MIPEP: variants seen among roughly 807,000 people sequenced by gnomAD.
MIPEP encodes mitochondrial intermediate peptidase.
In MIPEP, 79 loss-of-function variants were observed where a neutral mutation model predicts 90.3. The ratio of observed to expected loss-of-function variants is 0.87; its 90% confidence interval spans 0.73 to 1.05. The LOEUF (loss-of-function observed/expected upper bound fraction) is 1.05. Ranked by LOEUF, MIPEP falls within the 50% of genes least tolerant of loss-of-function variation. The pLI is 0.00. For missense variants in MIPEP, 940 were observed against 905.6 expected (o/e 1.04, Z -0.49); for synonymous variants, 334 against 315.8 (o/e 1.06, Z -0.61).
chr13:23,833,974 C>G (rs1035404378), intron 14 of MIPEP, among the ~76,000 whole-genome samples: 1 of 152,126 alleles, frequency 6.6e-6, no homozygotes, highest in African/African-American at 2.4e-5. Flanking sequence ...CTCCCTTGGC[C>G]TGACCCTGCG....
chr13:23,821,582 G>A (rs954185092), intron 14 of MIPEP, among the ~76,000 whole-genome samples: 2 of 152,050 alleles, frequency 1.3e-5, no homozygotes, highest in African/African-American at 4.8e-5. Flanking sequence ...TAAGCAGCTG[G>A]GTAATACACA....
chr13:23,846,483 T>C (rs1177883538), intron 10 of MIPEP, among the ~76,000 whole-genome samples: 3 of 152,218 alleles, frequency 2.0e-5, no homozygotes, highest in African/African-American at 7.2e-5. Context: ...GTTTTGGATT[T>C]TGGATTTTTT....
At chr13:23,738,918 C>G (rs1593125407) in intron 18 of MIPEP, among the ~76,000 whole-genome samples, 2 of 152,310 alleles carry the variant, frequency 1.3e-5, no homozygotes, top group Admixed American at 6.5e-5. Flanking sequence ...AATAAGCCTT[C>G]CCAGTGACTC....
intron 9 of MIPEP, among the ~76,000 whole-genome samples, chr13:23,860,757 C>T (rs1171582244): frequency 2.6e-5 from 4 of 152,178 alleles, no homozygotes; most frequent in African/African-American, 7.2e-5. Flanking sequence ...GCTAAACTGT[C>T]TGAATCCAAG....
chr13:23,889,277 G>C lies in MIPEP; in HGVS notation c.44C>G (p.Ala15Gly). The change falls in exon 1 of 19, where the codon GCA becomes GGA. Residue 15 changes from alanine (A) to glycine (G), a missense_variant. Coordinates refer to ENST00000382172, the MANE Select transcript of MIPEP (RefSeq NM_005932.4). ...GRLGGLGARAAALPPRRAGRG... is the reference protein window; with the variant it reads ...GRLGGLGARAGALPPRRAGRG... ...GCCCGCCCGGCGGGGCGGCAGAGCT[G>C]CTGCTCTGGCTCCCAAGCCGCCCAG... 7.3e-7 allele frequency: 1 copy of C among 1,375,730 alleles called. No homozygotes were observed. The highest frequency in any genetic ancestry group is 9.4e-7 in the Non-Finnish European group (1 of 1,063,320). The allele number at this position is 1,375,730 out of a possible 1,614,324, so 85.2% of individuals were successfully genotyped here. A position where few individuals can be genotyped will look rare whatever the true frequency, so the allele number is the denominator to read the frequency against.
chr13:23,876,132 C>T (rs970276285), intron 4 of MIPEP, among the ~76,000 whole-genome samples: 1 of 152,144 alleles, frequency 6.6e-6, no homozygotes, highest in Non-Finnish European at 1.5e-5. Flanking sequence ...ATATATATTA[C>T]CAAATGCTCC....
intron 18 of MIPEP, among the ~76,000 whole-genome samples, chr13:23,737,516 T>G (rs1242635513): frequency 6.6e-6 from 1 of 152,116 alleles, no homozygotes; most frequent in African/African-American, 2.4e-5. Flanking sequence ...TTTCTACACT[T>G]TCGCCAAGAA....
chr13:23,769,229 C>T (rs1012535344), intron 16 of MIPEP, among the ~76,000 whole-genome samples: 5 of 152,162 alleles, frequency 3.3e-5, no homozygotes, highest in Non-Finnish European at 5.9e-5. Flanking sequence ...AGGACAGCAA[C>T]GGGGCCTCTG....
At chr13:23,839,141 G>A (rs897877619) in intron 12 of MIPEP, among the ~76,000 whole-genome samples, 10 of 152,254 alleles carry the variant, frequency 6.6e-5, no homozygotes, top group East Asian at 5.8e-4. Context: ...CTACTTGGTG[G>A]TTGGTAAGGT....
In MIPEP at chr13:23,844,218, G is replaced by C. The variant is rs76824328; in HGVS notation, c.1107-2730C>G. Among the ~76,000 whole-genome samples, 1,144 of 152,240 alleles carry C rather than the reference G, an allele frequency of 7.5e-3. 17 individuals are homozygous for C. Among genetic ancestry groups the C allele is most frequent in the African/African-American group, 0.027 (1,102 of 41,540 alleles). On this transcript the variant is annotated intron_variant, in intron 10 of 18. Coordinates refer to ENST00000382172, the MANE Select transcript of MIPEP (RefSeq NM_005932.4). ...GCAGACCCCTGAACTACCAGAGGGA[G>C]GGGTGGGAAGGAAGACACAGAACAG...
chr13:23,768,393 T>C (rs1018415573), intron 16 of MIPEP, among the ~76,000 whole-genome samples: 2 of 152,180 alleles, frequency 1.3e-5, no homozygotes, highest in African/African-American at 4.8e-5. Flanking sequence ...AGAAAGTTCT[T>C]ACACAAGCTA....
chr13:23,760,265 T>C, intron 16 of MIPEP, 48 bp from the exon 17 acceptor site: 1 of 1,612,852 alleles, frequency 6.2e-7, no homozygotes, highest in South Asian at 1.1e-5. Flanking sequence ...CAGTTTCCAC[T>C]TGGAGAATAT....
chr13:23,745,278 AT>A (rs1033252893), intron 18 of MIPEP, among the ~76,000 whole-genome samples: 1 of 152,230 alleles, frequency 6.6e-6, no homozygotes, highest in African/African-American at 2.4e-5. Flanking sequence ...ATCTAATTTC[AT>A]TATTAATAAT....
intron 16 of MIPEP, among the ~76,000 whole-genome samples, chr13:23,803,018 A>C (rs1011362): frequency 6.6e-6 from 1 of 151,928 alleles, no homozygotes; most frequent in Admixed American, 6.6e-5. Flanking sequence ...TGACCGCATC[A>C]TAAGTTGAGA....
At chr13:23,820,034 C>A (rs1593172703) in intron 14 of MIPEP, among the ~76,000 whole-genome samples, 1 of 149,722 alleles carries the variant, frequency 6.7e-6, no homozygotes, top group African/African-American at 2.5e-5. Flanking sequence ...AGGAAAAAAA[C>A]CTCTTTTCAT....
At chr13:23,808,040 G>A (rs546760895) in intron 15 of MIPEP, among the ~76,000 whole-genome samples, 4 of 151,922 alleles carry the variant, frequency 2.6e-5, no homozygotes, top group Non-Finnish European at 5.9e-5. Flanking sequence ...ACAGAAAAAT[G>A]AAGAGCCTAT....
intron 5 of MIPEP, among the ~76,000 whole-genome samples, chr13:23,871,205 C>T (rs1246783185): frequency 1.3e-5 from 2 of 152,192 alleles, no homozygotes; most frequent in African/African-American, 4.8e-5. Context: ...GTGATGAGGA[C>T]GTGGATGGTG....
intron 18 of MIPEP, among the ~76,000 whole-genome samples, chr13:23,739,420 G>T (rs1012975147): frequency 1.3e-5 from 2 of 152,186 alleles, no homozygotes; most frequent in Non-Finnish European, 2.9e-5. Flanking sequence ...AATAATTTGT[G>T]TTGATCAATT....
intron 14 of MIPEP, among the ~76,000 whole-genome samples, chr13:23,830,694 C>G (rs1200336423): frequency 6.6e-6 from 1 of 152,212 alleles, no homozygotes; most frequent in Non-Finnish European, 1.5e-5. Context: ...GAATGACTTT[C>G]TTCCTTTACA....
Sources: gnomAD v4.1 joint callset for allele counts (sites outside exome capture counted in the v4.1 genomes callset) on GRCh38, gnomAD v4.1.1 for gene constraint, MANE v1.5 for transcripts, NCBI Gene and HGNC (gene_info 2026-07-23, HGNC 2026-07-21) for gene names.